RAET1G: variants seen among roughly 807,000 people sequenced by gnomAD.
RAET1G encodes retinoic acid early transcript 1G, also known as UL-16 binding protein 5.
In RAET1G, 25 loss-of-function variants were observed where a neutral mutation model predicts 29.5. The observed-to-expected ratio is 0.85, with a 90% CI of 0.62 to 1.18. The LOEUF (loss-of-function observed/expected upper bound fraction) is 1.18. RAET1G is among the 50% of genes most tolerant of loss of function. RAET1G has a pLI of 0.00. For missense variants in RAET1G, 434 were observed against 423.6 expected (o/e 1.02, Z -0.22); for synonymous variants, 167 against 159.5 (o/e 1.05, Z -0.36).
intron 1 of RAET1G, among the ~76,000 whole-genome samples, chr6:149,922,275 G>A (rs1490519911): frequency 2.0e-5 from 3 of 152,182 alleles, no homozygotes; most frequent in Non-Finnish European, 4.4e-5. Flanking sequence ...GGTGTAAGAG[G>A]TCGCGAGGGC....
At chr6:149,917,105 T>A in intron 4 of RAET1G, 31 bp from the exon 5 acceptor site, 1 of 1,517,772 alleles carries the variant, frequency 6.6e-7, no homozygotes, top group Non-Finnish European at 8.8e-7. Flanking sequence ...ACAGCTTACG[T>A]CATTGTTTCT....
In RAET1G at chr6:149,919,553, C is replaced by G. The variant is rs749118133; in HGVS notation, c.349G>C (p.Glu117Gln). 78 of 1,613,826 alleles carry G rather than the reference C, an allele frequency of 4.8e-5. No individual in the cohort carries two copies. Among genetic ancestry groups the G allele is most frequent in the Non-Finnish European group, 6.2e-5 (73 of 1,179,880 alleles). ...CTGTCCTGGGCCATCTGAAACTTAC[C>G]CTTGGGTATGTAATTCTCCAGCTGA... ...DIQLENYIPKEPLTLQARMSC... is the reference protein window; with the variant it reads ...DIQLENYIPKQPLTLQARMSC... The change falls in exon 2 of 5, where the codon GAA (glutamate) becomes CAA (glutamine). Residue 117 changes from glutamate to glutamine, a missense_variant and splice_region_variant. Glu to Gln is a conservative substitution (Grantham distance 29, BLOSUM62 2). Transcript: ENST00000367360.
rs137991258 is a variant in RAET1G, at chr6:149,921,449, G to A, written c.85+1477C>T. ...GCCGTGACCATCCAGCCTCAGAGCT[G>A]CCCATTACGGGTGGGCTCCTCACCC... On this transcript the variant is annotated intron_variant, in intron 1 of 4. Coordinates refer to ENST00000367360, the MANE Select transcript of RAET1G (RefSeq NM_001001788.4). Among the ~76,000 whole-genome samples, 653 of 152,236 alleles carry A rather than the reference G, an allele frequency of 4.3e-3. 4 individuals are homozygous for A. The highest frequency in any genetic ancestry group is 0.015 in the African/African-American group (626 of 41,564).
intron 1 of RAET1G, among the ~76,000 whole-genome samples, chr6:149,920,393 A>G (rs1778572362): frequency 1.3e-5 from 2 of 152,126 alleles, no homozygotes; most frequent in Admixed American, 6.5e-5. Flanking sequence ...AAATCTGAAA[A>G]TCTAAGGCAG....
At chr6:149,918,569 C>G in intron 3 of RAET1G, 185 bp from the exon 4 acceptor site, 1 of 702,136 alleles carries the variant, frequency 1.4e-6, no homozygotes, top group Non-Finnish European at 2.4e-6. Flanking sequence ...CCTCAGGGAG[C>G]TCACAGAGCT....
At chr6:149,921,910 C>G (rs1291716968) in intron 1 of RAET1G, among the ~76,000 whole-genome samples, 2 of 151,388 alleles carry the variant, frequency 1.3e-5, no homozygotes, top group South Asian at 2.1e-4. Context: ...CAAATCTGGT[C>G]CCCCCTATTT....
In RAET1G at chr6:149,922,932, G is replaced by T; in HGVS notation, c.79C>A (p.Leu27Met). Residue 27 changes from leucine (L) to methionine (M), a missense_variant, in exon 1 of 5, where the codon CTG (leucine) becomes ATG (methionine). Leu to Met is a conservative substitution (Grantham distance 15). Coordinates refer to ENST00000367360, the MANE Select transcript of RAET1G (RefSeq NM_001001788.4). ...GCTCCATCCCCGAACTCACCGGCCA[G>T]CCCGGTCCTGCACCAGCTGGACAGC... ...LLLSSWCRTG[L>M]ADPHSLCYDI... 6.3e-7 allele frequency: 1 copy of T among 1,592,542 alleles called. No homozygotes were observed. Among genetic ancestry groups the T allele is most frequent in the Non-Finnish European group, 8.5e-7 (1 of 1,170,368 alleles).
At chr6:149,921,380 G>A (rs1778597194) in intron 1 of RAET1G, among the ~76,000 whole-genome samples, 2 of 152,230 alleles carry the variant, frequency 1.3e-5, no homozygotes, top group Admixed American at 1.3e-4. Context: ...GTCTCCTGTA[G>A]AGTACTGGGC....
At position 149,922,531 on chromosome 6, in the gene RAET1G, A is replaced by G. The variant is rs546192308; in HGVS notation, c.85+395T>C. On this transcript the variant is annotated intron_variant, in intron 1 of 4. Coordinates refer to ENST00000367360, the MANE Select transcript of RAET1G (RefSeq NM_001001788.4). ...ACAGAGCAGGCTGGTGGCTGGTGGG[A>G]GTGTCTGTGATTGTGTCCCTGTGCA... is the stretch of plus-strand genomic sequence containing the variant. 3.9e-5 allele frequency among the ~76,000 whole-genome samples: 6 copies of G among 151,908 alleles called. No individual in the cohort carries two copies. The South Asian group carries it at 1.3e-3, about 32-fold the overall frequency.
chr6:149,920,537 A>G (rs1212157536), intron 1 of RAET1G, among the ~76,000 whole-genome samples: 1 of 152,104 alleles, frequency 6.6e-6, no homozygotes, highest in Non-Finnish European at 1.5e-5. Flanking sequence ...GCATATAAAG[A>G]AGGCCCCATG....
In RAET1G at chr6:149,922,962, G is replaced by T. The variant is rs780299054; in HGVS notation, c.49C>A (p.Leu17Ile). The change falls in exon 1 of 5, where the codon CTC becomes ATC. Residue 17 changes from leucine (L) to isoleucine (I), a missense_variant. Transcript: ENST00000367360. ...GTCCTGCACCAGCTGGACAGCAGGA[G>T]CAGAAGCGGGAGGCGTAGAAGGAAC... ...PAFLLRLPLL[L>I]LLSSWCRTGL... is the part of the protein sequence containing the mutation. The T allele has an allele frequency of 2.5e-6, 4 of 1,605,490 alleles. No individual in the cohort carries two copies. Among genetic ancestry groups the T allele is most frequent in the Non-Finnish European group, 3.4e-6 (4 of 1,176,810 alleles).
chr6:149,918,791 C>T lies in RAET1G; in HGVS notation c.631+252G>A, dbSNP rs73782145. The T allele has an allele frequency of 3.7e-3, 2,325 of 624,372 alleles. 33 individuals are homozygous for T. In the African/African-American group the frequency reaches 0.037, roughly 10 times the overall value. The allele number at this position is 624,372 out of a possible 1,614,324, so 38.7% of individuals were successfully genotyped here. ...CTGAAAATAGTGACACCTGCAGTTT[C>T]GAGGCTGGTGAGAAATCCACAGTGT... On this transcript the variant is annotated intron_variant, in intron 3 of 4. Transcript: ENST00000367360.
chr6:149,920,313 G>A (rs867645782), intron 1 of RAET1G, among the ~76,000 whole-genome samples: 1 of 152,198 alleles, frequency 6.6e-6, no homozygotes, highest in Admixed American at 6.5e-5. Context: ...TGGTGGTGGT[G>A]CTCATCTACT....
chr6:149,918,158 A>G lies in RAET1G; in HGVS notation c.842+16T>C, dbSNP rs377669142. ...CCCACCTGCCCTTTGCTCCACTCCCAATTCTGCCCCCATACCTGTCACTCC... is the reference window on the plus strand; with the variant it reads ...CCCACCTGCCCTTTGCTCCACTCCCGATTCTGCCCCCATACCTGTCACTCC... On this transcript the variant is annotated intron_variant, in intron 4 of 4. Transcript: ENST00000367360. 10 of 1,612,190 alleles carry G rather than the reference A, an allele frequency of 6.2e-6. No homozygotes were observed. In the African/African-American group the frequency reaches 9.3e-5, roughly 15 times the overall value.
Position 149,923,015 on chromosome 6 carries a change from G to A in RAET1G, c.-5C>T. On this transcript the variant is annotated 5_prime_UTR_variant, in exon 1 of 5. Transcript: ENST00000367360. ...GGGGCTGGCGGCCGCTGCCATTGGG[G>A]AGTTGGATCGCAGGGGACAGCAGAA... 1.3e-6 allele frequency: 2 copies of A among 1,594,908 alleles called. No homozygotes were observed. Among genetic ancestry groups the A allele is most frequent in the Non-Finnish European group, 1.7e-6 (2 of 1,171,162 alleles).
In RAET1G at chr6:149,923,076, AGGCT is replaced by A. The variant is rs1562481116; in HGVS notation, c.-70_-67del. 5.8e-6 allele frequency: 7 copies of A among 1,210,164 alleles called. No homozygotes were observed. Among genetic ancestry groups the A allele is most frequent in the Non-Finnish European group, 7.0e-6 (6 of 852,104 alleles). 75.0% of individuals were successfully genotyped at this position (1,210,164 alleles called of 1,614,324 possible). A position where few individuals can be genotyped will look rare whatever the true frequency, so the allele number is the denominator to read the frequency against. On this transcript the variant is annotated 5_prime_UTR_variant, in exon 1 of 5. Transcript: ENST00000367360. Reference sequence around the variant, plus strand: ...GCCCGTGGATCACCTGGCGGCTCGCAGGCTGTCTGAATGCAGCCCGTCTGAATGC... The same window carrying A: ...GCCCGTGGATCACCTGGCGGCTCGCAGTCTGAATGCAGCCCGTCTGAATGC...
chr6:149,919,292 C>T lies in RAET1G; in HGVS notation c.382G>A (p.Glu128Lys). The T allele has an allele frequency of 1.9e-6, 3 of 1,614,142 alleles. No homozygotes were observed. Among genetic ancestry groups the T allele is most frequent in the Non-Finnish European group, 1.7e-6 (2 of 1,179,986 alleles). The change falls in exon 3 of 5, where the codon GAG becomes AAG. Residue 128 changes from glutamate to lysine, a missense_variant. Glu to Lys is a moderately conservative substitution (Grantham distance 56). Transcript: ENST00000367360. ...PLTLQARMSC[E>K]QKAEGHGSGS... ...CTGCCGTGTCCTTCGGCTTTCTGCT[C>T]ACAAGACATCCTGGCCTGCAGGGTG... is the stretch of plus-strand genomic sequence containing the variant.
Position 149,919,643 on chromosome 6 carries a change from A to G in RAET1G, c.259T>C (p.Trp87Arg). 1.2e-6 allele frequency: 2 copies of G among 1,613,946 alleles called. No homozygotes were observed. The highest frequency in any genetic ancestry group is 2.2e-5 in the South Asian group (2 of 91,072). Residue 87 changes from tryptophan to arginine, a missense_variant, in exon 2 of 5, where the codon TGG becomes CGG. Physicochemically the swap from Trp to Arg is moderately radical, Grantham distance 101 (BLOSUM62 -3). Transcript: ENST00000367360. ...LGKKLNVTTA[W>R]KAQNPVLREV... ...CTCAGTACTGGGTTCTGTGCTTTCC[A>G]GGCCGTTGTGACATTTAGTTTCTTC... is the stretch of plus-strand genomic sequence containing the variant.
chr6:149,921,853 G>C (rs1778606595), intron 1 of RAET1G, among the ~76,000 whole-genome samples: 1 of 152,090 alleles, frequency 6.6e-6, no homozygotes, highest in African/African-American at 2.4e-5. Flanking sequence ...CTATTTGCTG[G>C]TACACTGTAA....
Sources: gnomAD v4.1 joint callset for allele counts (sites outside exome capture counted in the v4.1 genomes callset) on GRCh38, gnomAD v4.1.1 for gene constraint, MANE v1.5 for transcripts, NCBI Gene and HGNC (gene_info 2026-07-23, HGNC 2026-07-21) for gene names.